CNTNAP5: variants seen among roughly 807,000 people sequenced by gnomAD.
CNTNAP5 encodes contactin associated protein family member 5, also known as contactin-associated protein-like 5.
In CNTNAP5, 72 loss-of-function variants were observed where a neutral mutation model predicts 150.2. The observed-to-expected ratio is 0.48, with a 90% CI of 0.40 to 0.58. The LOEUF is 0.58. Among genes scored for constraint, CNTNAP5 ranks in the 20% least tolerant of loss-of-function variants. The pLI is 0.00. For synonymous variants in CNTNAP5, 672 were observed against 619.8 expected, an observed-to-expected ratio of 1.08 and a Z score of -1.25; for missense variants, 1,636 against 1,626.2, an observed-to-expected ratio of 1.01 and a Z score of -0.10.
intron 1 of CNTNAP5, among the ~76,000 whole-genome samples, chr2:124,106,562 G>A (rs971104720): frequency 2.6e-5 from 4 of 152,266 alleles, no homozygotes; most frequent in Non-Finnish European, 5.9e-5. Context: ...GGTGCTGAGA[G>A]GTGGCATATC....
intron 22 of CNTNAP5, among the ~76,000 whole-genome samples, chr2:124,910,716 T>C (rs564324911): frequency 3.7e-4 from 56 of 152,128 alleles, no homozygotes; most frequent in African/African-American, 1.2e-3. Context: ...ACAACAATAC[T>C]CATGTTGTAG....
intron 3 of CNTNAP5, among the ~76,000 whole-genome samples, chr2:124,389,234 AAT>A (rs1691045901): frequency 1.3e-5 from 2 of 152,322 alleles, no homozygotes; most frequent in South Asian, 2.1e-4. Context: ...TTTGAAAAAA[AAT>A]ATGTGTTGCT....
chr2:124,879,014 A>G (rs1018849090), intron 21 of CNTNAP5, among the ~76,000 whole-genome samples: 1 of 152,100 alleles, frequency 6.6e-6, no homozygotes, highest in African/African-American at 2.4e-5. Flanking sequence ...ATCTGAAAAG[A>G]GTTAACTAGA....
At chr2:124,315,532 G>A (rs907470527) in intron 3 of CNTNAP5, among the ~76,000 whole-genome samples, 16 of 152,124 alleles carry the variant, frequency 1.1e-4, no homozygotes, top group African/African-American at 3.9e-4. Context: ...TATAAATAGT[G>A]TCAGGTTTCA....
At chr2:124,362,991 C>T (rs1690259560) in intron 3 of CNTNAP5, among the ~76,000 whole-genome samples, 1 of 152,084 alleles carries the variant, frequency 6.6e-6, no homozygotes, top group Non-Finnish European at 1.5e-5. Context: ...ACTCAAGATA[C>T]AGCAAAAAAG....
At chr2:124,608,296 C>A (rs774047278) in intron 11 of CNTNAP5, among the ~76,000 whole-genome samples, 1 of 152,212 alleles carries the variant, frequency 6.6e-6, no homozygotes, top group South Asian at 2.1e-4. Flanking sequence ...AGACAACATT[C>A]TATATTCTCA....
At chr2:124,096,400 C>A (rs1381751417) in intron 1 of CNTNAP5, among the ~76,000 whole-genome samples, 2 of 152,122 alleles carry the variant, frequency 1.3e-5, no homozygotes, top group African/African-American at 4.8e-5. Context: ...CACTCTCATG[C>A]AAAAATTTTC....
Position 124,510,301 on chromosome 2 carries a change from C to CTATATATATATATCTATATATCTATA in CNTNAP5, c.1327+5756_1327+5757insATCTATATATCTATATATATATATAT, listed in dbSNP as rs368230554. 1.9e-4 allele frequency among the ~76,000 whole-genome samples: 20 copies of CTATATATATATATCTATATATCTATA among 106,038 alleles called. 1 individual carries two copies. The highest frequency in any genetic ancestry group is 3.0e-4 in the Non-Finnish European group (17 of 56,138). The allele number at this position is 106,038 out of a possible 152,430, so 69.6% of individuals were successfully genotyped here. On this transcript the variant is annotated intron_variant, in intron 8 of 23. Transcript: ENST00000682447. The stretch of plus-strand genomic sequence containing the variant: ...TATCTATATCTATATATCTATATAT[C>CTATATATATATATCTATATATCTATA]TATATATATATCTATATATCTATCT...
chr2:124,427,305 A>T (rs1348535056), intron 4 of CNTNAP5, among the ~76,000 whole-genome samples: 1 of 152,132 alleles, frequency 6.6e-6, no homozygotes, highest in African/African-American at 2.4e-5. Context: ...CCATGCAAGT[A>T]ATCTGATGCA....
chr2:124,149,964 A>G (rs1354908237), intron 1 of CNTNAP5, among the ~76,000 whole-genome samples: 2 of 152,148 alleles, frequency 1.3e-5, no homozygotes, highest in African/African-American at 4.8e-5. Flanking sequence ...TTTTGTTAAC[A>G]TCTATCCTGG....
chr2:124,791,849 G>A (rs1346590596), intron 18 of CNTNAP5, among the ~76,000 whole-genome samples: 1 of 151,970 alleles, frequency 6.6e-6, no homozygotes, highest in African/African-American at 2.4e-5. Flanking sequence ...GCAAGTGTGT[G>A]CCTAGCCTTT....
intron 13 of CNTNAP5, among the ~76,000 whole-genome samples, chr2:124,691,027 G>A (rs911212584): frequency 3.3e-5 from 5 of 152,050 alleles, no homozygotes; most frequent in African/African-American, 1.2e-4. Context: ...TCAGCGTGAA[G>A]GCCCAAAGGT....
intron 14 of CNTNAP5, among the ~76,000 whole-genome samples, chr2:124,756,700 G>C (rs1331899354): frequency 6.6e-6 from 1 of 152,084 alleles, no homozygotes; most frequent in Non-Finnish European, 1.5e-5. Flanking sequence ...ACTTAAAAGT[G>C]GGGGTCGACT....
intron 2 of CNTNAP5, among the ~76,000 whole-genome samples, chr2:124,232,444 A>G (rs1484340750): frequency 6.6e-6 from 1 of 152,122 alleles, no homozygotes; most frequent in Non-Finnish European, 1.5e-5. Flanking sequence ...AACATTGTGG[A>G]CATGTCCTTA....
rs113200821 is a variant in CNTNAP5, at chr2:124,612,623, C to T, written c.1876+2703C>T. On this transcript the variant is annotated intron_variant, in intron 12 of 23. Transcript: ENST00000682447. Reference sequence around the variant, plus strand: ...TTTGCTGATATGATCCTGAAGAAATCAGAGCCTCTGAATTGTGTCCCGAGT... The same window carrying T: ...TTTGCTGATATGATCCTGAAGAAATTAGAGCCTCTGAATTGTGTCCCGAGT... 7.3e-3 allele frequency among the ~76,000 whole-genome samples: 1,107 copies of T among 152,268 alleles called. 12 individuals carry two copies. Among genetic ancestry groups the T allele is most frequent in the African/African-American group, 0.024 (1,008 of 41,542 alleles).
intron 3 of CNTNAP5, among the ~76,000 whole-genome samples, chr2:124,413,566 T>G (rs1390903727): frequency 7.5e-6 from 1 of 132,970 alleles, no homozygotes; most frequent in African/African-American, 2.9e-5. Flanking sequence ...AAATGATGAG[T>G]TCATGTCCTT....
chr2:124,536,779 G>A (rs1012334676), intron 10 of CNTNAP5, among the ~76,000 whole-genome samples: 1 of 152,086 alleles, frequency 6.6e-6, no homozygotes, highest in Admixed American at 6.6e-5. Flanking sequence ...GGGGGTCAAG[G>A]AGGGGTGCTC....
intron 11 of CNTNAP5, among the ~76,000 whole-genome samples, chr2:124,569,210 T>C (rs1696097609): frequency 6.6e-6 from 1 of 152,200 alleles, no homozygotes; most frequent in African/African-American, 2.4e-5. Flanking sequence ...TATTACGGTT[T>C]ACACTCTGAT....
chr2:124,482,185 T>G (rs150743227), intron 7 of CNTNAP5, among the ~76,000 whole-genome samples: 2 of 152,336 alleles, frequency 1.3e-5, no homozygotes, highest in African/African-American at 4.8e-5. Flanking sequence ...TCGAAGATCC[T>G]GTATTTCAGA....
Sources: allele counts gnomAD v4.1 joint callset (sites outside exome capture counted in the v4.1 genomes callset), GRCh38; gene constraint gnomAD v4.1.1; transcripts MANE v1.5; gene names NCBI Gene and HGNC (gene_info 2026-07-23, HGNC 2026-07-21).